Variants in RTRAF observed in about 807,000 individuals in gnomAD.
The protein encoded by RTRAF is tRNA-splicing ligase complex subunit RTRAF.
RTRAF carries 14 observed loss-of-function variants against 34.4 expected under a neutral mutation model. The ratio of observed to expected loss-of-function variants is 0.41; its 90% confidence interval spans 0.27 to 0.64. RTRAF has a LOEUF of 0.64. Ranked by LOEUF, RTRAF falls within the 30% of genes least tolerant of loss-of-function variation. The pLI, the probability that RTRAF is intolerant of heterozygous loss-of-function variation, is 0.34. For synonymous variants in RTRAF, 96 were observed against 95.3 expected (o/e 1.01, Z -0.04); for missense variants, 291 against 288.4 (o/e 1.01, Z -0.06).
chr14:51,991,735 C>A (rs778786203), intron 2 of RTRAF, among the ~76,000 whole-genome samples: 4 of 152,084 alleles, frequency 2.6e-5, no homozygotes, highest in Non-Finnish European at 4.4e-5. Context: ...TGGCCCAAAT[C>A]AGAATTTTTG....
Position 52,005,781 on chromosome 14 carries a change from G to C in RTRAF, c.*1265G>C. The C allele has an allele frequency of 6.2e-7, 1 of 1,613,924 alleles. No individual in the cohort carries two copies. Among genetic ancestry groups the C allele is most frequent in the Non-Finnish European group, 8.5e-7 (1 of 1,179,810 alleles). ...GACTGCAGTTATCCCGTAGAGGTGA[G>C]ATCGTTGTTCTGGGAGATACTCATC... On this transcript the variant is annotated 3_prime_UTR_variant, in exon 8 of 8. Transcript: ENST00000261700.
intron 3 of RTRAF, chr14:51,997,955 G>C (rs1890545357): frequency 3.3e-5 from 5 of 151,798 alleles, no homozygotes; most frequent in Admixed American, 2.6e-4. Flanking sequence ...AAAGATATTT[G>C]TGTCACATAG....
chr14:52,004,322 A>AAATTATGTATT, intron 7 of RTRAF, 40 bp from the exon 8 acceptor site: 1 of 1,609,548 alleles, frequency 6.2e-7, no homozygotes, highest in Non-Finnish European at 8.5e-7. Flanking sequence ...TTAAATGTAA[A>AAATTATGTATT]AATTATGTAT....
intron 6 of RTRAF, among the ~76,000 whole-genome samples, chr14:52,002,835 T>A (rs2140331454): frequency 6.6e-6 from 1 of 152,310 alleles, no homozygotes; most frequent in South Asian, 2.1e-4. Context: ...TGTTAAAAGG[T>A]TACTAATGCC....
intron 2 of RTRAF, among the ~76,000 whole-genome samples, chr14:51,991,909 A>G (rs1194770714): frequency 6.6e-6 from 1 of 152,172 alleles, no homozygotes; most frequent in African/African-American, 2.4e-5. Context: ...TCTACAAGAA[A>G]ATAGAAAGTT....
At position 52,001,859 on chromosome 14, in the gene RTRAF, CA is replaced by C; in HGVS notation, c.528del (p.Glu177ArgfsTer7). 6.2e-7 allele frequency: 1 copy of C among 1,608,900 alleles called. No individual in the cohort carries two copies. The highest frequency in any genetic ancestry group is 8.5e-7 in the Non-Finnish European group (1 of 1,178,366). ...GATGCAGTTGCTAAGGCAAATCAAA[CA>C]AAAGAGGTACGTTTCTATAAATCCT... The part of the protein sequence containing the change: ...TQDAVAKANQ[T>X]KEGLPVALDK... On this transcript the variant is annotated frameshift_variant, in exon 6 of 8. Transcript: ENST00000261700. LOFTEE classifies it high-confidence loss of function.
chr14:52,007,875 T>G lies in RTRAF; in HGVS notation c.*3359T>G, dbSNP rs1890852583. On this transcript the variant is annotated 3_prime_UTR_variant, in exon 8 of 8. Transcript: ENST00000261700. Reference sequence around the variant, plus strand: ...GGTTAAGCCATTGGGCAATCCAATGTCTGTATTGATCAGAATTCTTCTGTT... The same window carrying G: ...GGTTAAGCCATTGGGCAATCCAATGGCTGTATTGATCAGAATTCTTCTGTT... The G allele has an allele frequency of 6.2e-7, 1 of 1,613,336 alleles. No individual in the cohort carries two copies.
At chr14:52,000,725 T>C in intron 5 of RTRAF, among the ~76,000 whole-genome samples, 1 of 152,158 alleles carries the variant, frequency 6.6e-6, no homozygotes, top group Non-Finnish European at 1.5e-5. Context: ...AAGACAAAAA[T>C]GTTTTTAGTG....
Position 52,005,910 on chromosome 14 carries a change from CA to C in RTRAF, c.*1395del. The stretch of plus-strand genomic sequence containing the variant: ...TCATTTACTAGATAAAGAAGTCAGT[CA>C]GCCACAGAAAATCAGTTGCAATAGA... On this transcript the variant is annotated 3_prime_UTR_variant, in exon 8 of 8. Coordinates refer to ENST00000261700, the MANE Select transcript of RTRAF (RefSeq NM_016039.3). The C allele has an allele frequency of 6.3e-6, 8 of 1,279,226 alleles. No homozygotes were observed. Among genetic ancestry groups the C allele is most frequent in the Non-Finnish European group, 9.1e-6 (8 of 879,160 alleles). 79.2% of individuals were successfully genotyped at this position (1,279,226 alleles called of 1,614,324 possible).
chr14:52,008,084 T>A lies in RTRAF; in HGVS notation c.*3568T>A, dbSNP rs1342602124. Reference sequence around the variant, plus strand: ...TGTATTATAGCCTTAAGCAATCCCCTTGAGTTTGGGCTGCATTAGTAGTGT... The same window carrying A: ...TGTATTATAGCCTTAAGCAATCCCCATGAGTTTGGGCTGCATTAGTAGTGT... On this transcript the variant is annotated 3_prime_UTR_variant, in exon 8 of 8. Coordinates refer to ENST00000261700, the MANE Select transcript of RTRAF (RefSeq NM_016039.3). 4 of 793,408 alleles carry A rather than the reference T, an allele frequency of 5.0e-6. No homozygotes were observed. The highest frequency in any genetic ancestry group is 7.9e-6 in the Non-Finnish European group (4 of 508,130). 49.1% of individuals were successfully genotyped at this position (793,408 alleles called of 1,614,324 possible).
intron 3 of RTRAF, chr14:51,997,788 G>A (rs2140329291): frequency 7.0e-6 from 1 of 143,292 alleles, no homozygotes; most frequent in East Asian, 2.1e-4. Flanking sequence ...ATGGGGGGAA[G>A]CGTACTTTTT....
intron 3 of RTRAF, among the ~76,000 whole-genome samples, 159 bp downstream of exon 3, chr14:51,993,981 G>A (rs2140327445): frequency 6.6e-6 from 1 of 152,286 alleles, no homozygotes; most frequent in South Asian, 2.1e-4. Flanking sequence ...TTTCATTGGT[G>A]TTTATATATT....
At chr14:51,998,403 T>C in intron 3 of RTRAF, 91 bp from the exon 4 acceptor site, 1 of 648,308 alleles carries the variant, frequency 1.5e-6, no homozygotes, top group Non-Finnish European at 2.5e-6. Context: ...CAACCTGTAA[T>C]CATTTTGGCT....
In RTRAF at chr14:52,003,930, G is replaced by C. The variant is rs1451988528; in HGVS notation, c.532-264G>C. 20 of 451,032 alleles carry C rather than the reference G, an allele frequency of 4.4e-5. No individual in the cohort carries two copies. The Admixed American group carries it at 7.6e-4, about 17-fold the overall frequency. 27.9% of individuals were successfully genotyped at this position (451,032 alleles called of 1,614,324 possible). A position where few individuals can be genotyped will look rare whatever the true frequency, so the allele number is the denominator to read the frequency against. ...TGCTGCAATAAGGATATATTGTTTT[G>C]TATGCCTGGGCTAAAGGATTGGATG... On this transcript the variant is annotated intron_variant, in intron 6 of 7. Coordinates refer to ENST00000261700, the MANE Select transcript of RTRAF (RefSeq NM_016039.3).
Position 52,005,498 on chromosome 14 carries a change from T to C in RTRAF, c.*982T>C. 6.3e-7 allele frequency: 1 copy of C among 1,598,748 alleles called. No individual in the cohort carries two copies. The highest frequency in any genetic ancestry group is 8.5e-7 in the Non-Finnish European group (1 of 1,174,332). The stretch of plus-strand genomic sequence containing the variant: ...TACATTACTGTACTTACTTTCTTCC[T>C]GTGAGAGAAGAGCAGGGGTGGGACA... On this transcript the variant is annotated 3_prime_UTR_variant, in exon 8 of 8. Coordinates refer to ENST00000261700, the MANE Select transcript of RTRAF (RefSeq NM_016039.3).
In RTRAF at chr14:52,006,161, ACAATATGTCCACAGTGT is replaced by A. The variant is rs1290681638; in HGVS notation, c.*1649_*1665del. 32 of 409,238 alleles carry A rather than the reference ACAATATGTCCACAGTGT, an allele frequency of 7.8e-5. 1 individual carries two copies. In the East Asian group the frequency reaches 1.0e-3, roughly 13 times the overall value. 25.4% of individuals were successfully genotyped at this position (409,238 alleles called of 1,614,324 possible). A position where few individuals can be genotyped will look rare whatever the true frequency, so the allele number is the denominator to read the frequency against. ...TAAATAGTATTTTTCGGTCCCTCAG[ACAATATGTCCACAGTGT>A]CAAAAGCCAACTTAAGCCCTGTAAT... On this transcript the variant is annotated 3_prime_UTR_variant, in exon 8 of 8. Transcript: ENST00000261700.
chr14:52,002,809 T>A (rs1890621111), intron 6 of RTRAF, among the ~76,000 whole-genome samples: 13 of 152,132 alleles, frequency 8.5e-5, no homozygotes, highest in Admixed American at 8.5e-4. Context: ...CCAGCCCCTT[T>A]AGGCAGGCCA....
In RTRAF at chr14:52,005,742, G is replaced by A; in HGVS notation, c.*1226G>A. 6.2e-7 allele frequency: 1 copy of A among 1,610,048 alleles called. No homozygotes were observed. Among genetic ancestry groups the A allele is most frequent in the South Asian group, 1.1e-5 (1 of 90,962 alleles). On this transcript the variant is annotated 3_prime_UTR_variant, in exon 8 of 8. Transcript: ENST00000261700. ...TCCTAAAGCATACTTTTTACCTGTT[G>A]GGCAGTAGGGGTAGACTGCAGTTAT...
Position 52,006,349 on chromosome 14 carries a change from A to G in RTRAF, c.*1833A>G. 1 of 602,546 alleles carries G rather than the reference A, an allele frequency of 1.7e-6. No homozygotes were observed. The highest frequency in any genetic ancestry group is 2.9e-6 in the Non-Finnish European group (1 of 346,596). The allele number at this position is 602,546 out of a possible 1,614,324, so 37.3% of individuals were successfully genotyped here. On this transcript the variant is annotated 3_prime_UTR_variant, in exon 8 of 8. Transcript: ENST00000261700. ...TTCGATTTCTGGGTGAAGTAAAAGG[A>G]TGATTTCAAAAACATGAAAGGATGA...
Sources: allele counts gnomAD v4.1 joint callset (sites outside exome capture counted in the v4.1 genomes callset), GRCh38; gene constraint gnomAD v4.1.1; transcripts MANE v1.5; gene names NCBI Gene and HGNC (gene_info 2026-07-23, HGNC 2026-07-21).